The following PRKG1 variants were observed in gnomAD, a reference collection of about 807,000 sequenced individuals.
The protein encoded by PRKG1 is cGMP-dependent protein kinase 1.
In PRKG1, 35 loss-of-function variants were observed where a neutral mutation model predicts 88.1. That is an observed-to-expected ratio of 0.40 (90% CI 0.30 to 0.53). The LOEUF (loss-of-function observed/expected upper bound fraction) is 0.53, where lower values mean the gene tolerates loss of function less well. Ranked by LOEUF, PRKG1 falls within the 20% of genes least tolerant of loss-of-function variation. The pLI is 0.59. For missense variants in PRKG1, 540 were observed against 839.8 expected, an observed-to-expected ratio of 0.64 and a Z score of 4.41; for synonymous variants, 303 against 292.5, an observed-to-expected ratio of 1.04 and a Z score of -0.37.
intron 10 of PRKG1, among the ~76,000 whole-genome samples, chr10:52,271,122 T>C (rs929743529): frequency 6.6e-6 from 1 of 152,056 alleles, no homozygotes; most frequent in African/African-American, 2.4e-5. Flanking sequence ...GTGAACACAA[T>C]TAATTTGGAA....
chr10:51,352,378 G>A (rs1842269435), intron 2 of PRKG1, among the ~76,000 whole-genome samples: 1 of 151,984 alleles, frequency 6.6e-6, no homozygotes, highest in Non-Finnish European at 1.5e-5. Context: ...TCCTATCCAT[G>A]AGCATAGAAT....
intron 3 of PRKG1, chr10:51,699,414 G>T: frequency 6.2e-7 from 1 of 1,613,970 alleles, no homozygotes; most frequent in Non-Finnish European, 8.5e-7. Flanking sequence ...TATACCAGCC[G>T]GAAACTGACA....
chr10:51,226,108 G>A (rs1314984690), intron 2 of PRKG1, among the ~76,000 whole-genome samples: 1 of 152,078 alleles, frequency 6.6e-6, no homozygotes, highest in African/African-American at 2.4e-5. Flanking sequence ...GAAGGCTGAG[G>A]CATGAGAATT....
At chr10:51,954,686 G>C (rs984643241) in intron 5 of PRKG1, among the ~76,000 whole-genome samples, 4 of 152,166 alleles carry the variant, frequency 2.6e-5, no homozygotes, top group African/African-American at 9.6e-5. Context: ...TTGGCGATTT[G>C]TAAGTCATAG....
intron 2 of PRKG1, among the ~76,000 whole-genome samples, chr10:51,237,290 G>T (rs1839021727): frequency 6.6e-6 from 1 of 152,122 alleles, no homozygotes; most frequent in Non-Finnish European, 1.5e-5. Flanking sequence ...TCAGGGCGTT[G>T]GTAGCTACTG....
At chr10:51,047,155 C>G (rs368921587) in intron 1 of PRKG1, among the ~76,000 whole-genome samples, 3 of 152,120 alleles carry the variant, frequency 2.0e-5, no homozygotes, top group Non-Finnish European at 2.9e-5. Context: ...CTGGTACTAT[C>G]CAAAGGTGAG....
At chr10:51,314,928 T>C (rs935373745) in intron 2 of PRKG1, among the ~76,000 whole-genome samples, 6 of 152,180 alleles carry the variant, frequency 3.9e-5, no homozygotes, top group Non-Finnish European at 1.5e-5. Context: ...TGCCCTTGAG[T>C]TGGTTTCTAC....
At chr10:51,116,892 A>G (rs1845135937) in intron 1 of PRKG1, among the ~76,000 whole-genome samples, 1 of 152,146 alleles carries the variant, frequency 6.6e-6, no homozygotes, top group African/African-American at 2.4e-5. Context: ...GTGCAGGATG[A>G]GTAGAGGTGG....
At chr10:52,293,086 CA>C (rs550967018) in intron 17 of PRKG1, among the ~76,000 whole-genome samples, 7 of 149,754 alleles carry the variant, frequency 4.7e-5, no homozygotes, top group Non-Finnish European at 1.0e-4. Context: ...AATCAATGTA[CA>C]AAAATCACAA....
intron 5 of PRKG1, among the ~76,000 whole-genome samples, chr10:51,924,379 T>C (rs565185752): frequency 1.2e-4 from 19 of 152,288 alleles, no homozygotes; most frequent in African/African-American, 3.1e-4. Context: ...CTTGCTTGTA[T>C]GGTTTTTGTA....
At chr10:51,273,934 C>T (rs1419025275) in intron 2 of PRKG1, among the ~76,000 whole-genome samples, 3 of 152,208 alleles carry the variant, frequency 2.0e-5, no homozygotes, top group African/African-American at 7.2e-5. Flanking sequence ...TACGTTAAAT[C>T]CCAGATCCTC....
At chr10:51,761,205 G>T (rs1301706205) in intron 3 of PRKG1, among the ~76,000 whole-genome samples, 1 of 152,192 alleles carries the variant, frequency 6.6e-6, no homozygotes, top group Non-Finnish European at 1.5e-5. Context: ...TGATAATGAT[G>T]ACTTGCTCCT....
intron 2 of PRKG1, among the ~76,000 whole-genome samples, chr10:51,321,895 C>T (rs919802143): frequency 1.3e-4 from 20 of 151,824 alleles, no homozygotes; most frequent in Non-Finnish European, 2.9e-4. Context: ...TTATTATGTA[C>T]CCTCAAAAAT....
intron 1 of PRKG1, among the ~76,000 whole-genome samples, chr10:51,014,675 A>G (rs1843035182): frequency 6.6e-6 from 1 of 152,204 alleles, no homozygotes. Context: ...ATCATTATAC[A>G]CATATATATG....
At chr10:51,541,336 C>A (rs893712523) in intron 3 of PRKG1, among the ~76,000 whole-genome samples, 1 of 152,226 alleles carries the variant, frequency 6.6e-6, no homozygotes, top group Non-Finnish European at 1.5e-5. Flanking sequence ...TCCTGCTGTG[C>A]AGTCCAGTTC....
chr10:52,101,514 G>A (rs915462972), intron 7 of PRKG1, among the ~76,000 whole-genome samples: 13 of 152,070 alleles, frequency 8.5e-5, no homozygotes, highest in Admixed American at 2.0e-4. Context: ...AAGAAGCAAA[G>A]GATCAGTTTT....
chr10:52,035,285 C>G (rs1845577188), intron 5 of PRKG1, among the ~76,000 whole-genome samples: 1 of 152,046 alleles, frequency 6.6e-6, no homozygotes, highest in Non-Finnish European at 1.5e-5. Flanking sequence ...TTTGCCAGTC[C>G]TGGGTGGGGC....
At chr10:51,712,690 C>T (rs979296112) in intron 3 of PRKG1, among the ~76,000 whole-genome samples, 11 of 148,726 alleles carry the variant, frequency 7.4e-5, no homozygotes, top group Admixed American at 5.4e-4. Context: ...CCCAGGTTCA[C>T]GCTATTCTCC....
intron 2 of PRKG1, among the ~76,000 whole-genome samples, chr10:51,305,512 C>T (rs1033186394): frequency 1.3e-5 from 2 of 152,142 alleles, no homozygotes; most frequent in Non-Finnish European, 2.9e-5. Flanking sequence ...AAATAAATAA[C>T]TTTTTCCAGA....
Sources: allele counts gnomAD v4.1 joint callset (sites outside exome capture counted in the v4.1 genomes callset), GRCh38; gene constraint gnomAD v4.1.1; transcripts MANE v1.5; gene names NCBI Gene and HGNC (gene_info 2026-07-23, HGNC 2026-07-21).